Variants in GALNT18 observed in about 807,000 individuals in gnomAD.
GALNT18 encodes GalNAc-transferase 18.
A neutral mutation model predicts 69.5 loss-of-function variants in GALNT18; 44 were observed. That is an observed-to-expected ratio of 0.63 (90% CI 0.50 to 0.81). GALNT18 has a LOEUF of 0.81. Among genes scored for constraint, GALNT18 ranks in the 40% least tolerant of loss-of-function variants. The pLI is 0.00. For synonymous variants in GALNT18, 364 were observed against 318.2 expected (o/e 1.14, Z -1.53); for missense variants, 715 against 810.0 (o/e 0.88, Z 1.42).
At chr11:11,557,247 A>T (rs765120485) in intron 1 of GALNT18, among the ~76,000 whole-genome samples, 1 of 152,152 alleles carries the variant, frequency 6.6e-6, no homozygotes, top group African/African-American at 2.4e-5. Context: ...TTTATGTTAT[A>T]TTCATTTTTA....
intron 6 of GALNT18, among the ~76,000 whole-genome samples, chr11:11,343,983 G>A (rs765086551): frequency 4.6e-5 from 7 of 152,010 alleles, no homozygotes; most frequent in South Asian, 4.1e-4. Context: ...CTAGGCCGTC[G>A]TCATCATCTC....
chr11:11,458,397 T>A (rs577465044), intron 1 of GALNT18, among the ~76,000 whole-genome samples: 1 of 152,230 alleles, frequency 6.6e-6, no homozygotes, highest in Non-Finnish European at 1.5e-5. Flanking sequence ...AATTCAATGA[T>A]TTTTTTAAAA....
chr11:11,525,032 A>G (rs1415007625), intron 1 of GALNT18, among the ~76,000 whole-genome samples: 2 of 152,190 alleles, frequency 1.3e-5, no homozygotes, highest in Admixed American at 6.5e-5. Context: ...GGGTTATCAG[A>G]GAAGGTTGAA....
At chr11:11,449,681 A>G (rs1855748518) in intron 1 of GALNT18, among the ~76,000 whole-genome samples, 1 of 152,226 alleles carries the variant, frequency 6.6e-6, no homozygotes, top group African/African-American at 2.4e-5. Context: ...ACTAACTGTG[A>G]GAGCAGAGGC....
rs1856943703 is a variant in GALNT18 at position 11,500,063 on chromosome 11, G to C, written c.236-51127C>G. 6.6e-6 allele frequency among the ~76,000 whole-genome samples: 1 copy of C among 152,154 alleles called. No homozygotes were observed. The highest frequency in any genetic ancestry group is 2.4e-5 in the African/African-American group (1 of 41,420). On this transcript the variant is annotated intron_variant, in intron 1 of 10. Coordinates refer to ENST00000227756, the MANE Select transcript of GALNT18 (RefSeq NM_198516.3). This position sits in a 1 kb window ranked among gnomAD's most constrained non-coding sequence, Gnocchi z 5.0. ...GAAAGGGAGCAAAATCAAAAAGAGAGGCCAAGCATTGTTGAAACATGGCAT... is the reference window on the plus strand; with the variant it reads ...GAAAGGGAGCAAAATCAAAAAGAGACGCCAAGCATTGTTGAAACATGGCAT...
intron 3 of GALNT18, among the ~76,000 whole-genome samples, chr11:11,418,959 G>A (rs1854928538): frequency 6.6e-6 from 1 of 152,126 alleles, no homozygotes; most frequent in Non-Finnish European, 1.5e-5. Flanking sequence ...CCATTAGAGT[G>A]GGAGGGACCT....
Position 11,341,074 on chromosome 11 carries a change from C to G in GALNT18, c.1093-70G>C. 6.9e-7 allele frequency: 1 copy of G among 1,442,960 alleles called. No individual in the cohort carries two copies. Among genetic ancestry groups the G allele is most frequent in the Non-Finnish European group, 9.4e-7 (1 of 1,066,354 alleles). 89.4% of individuals were successfully genotyped at this position (1,442,960 alleles called of 1,614,324 possible). A position where few individuals can be genotyped will look rare whatever the true frequency, so the allele number is the denominator to read the frequency against. Reference sequence around the variant, plus strand: ...CCTTTCTACACCAGGCCTCAGGCAGCCACTTGACATGAGCAGGAAGAAAGT... The same window carrying G: ...CCTTTCTACACCAGGCCTCAGGCAGGCACTTGACATGAGCAGGAAGAAAGT... On this transcript the variant is annotated intron_variant, in intron 6 of 10. Coordinates refer to ENST00000227756, the MANE Select transcript of GALNT18 (RefSeq NM_198516.3). The surrounding 1 kb of genome is among the most constrained non-coding windows in gnomAD (Gnocchi z 6.3).
At chr11:11,525,361 T>C (rs912477798) in intron 1 of GALNT18, among the ~76,000 whole-genome samples, 2 of 152,024 alleles carry the variant, frequency 1.3e-5, no homozygotes, top group African/African-American at 4.8e-5. Flanking sequence ...GCTCAATGAA[T>C]AAGAAAGACT....
Position 11,338,457 on chromosome 11 carries a change from C to T in GALNT18, c.1278+2362G>A, listed in dbSNP as rs1438000609. Among the ~76,000 whole-genome samples, 1 of 152,008 alleles carries T rather than the reference C, an allele frequency of 6.6e-6. No individual in the cohort carries two copies. The highest frequency in any genetic ancestry group is 1.5e-5 in the Non-Finnish European group (1 of 68,012). On this transcript the variant is annotated intron_variant, in intron 7 of 10. Transcript: ENST00000227756. The surrounding 1 kb of genome is among the most constrained non-coding windows in gnomAD (Gnocchi z 5.3). ...GGGGAGGTCGGGGTGGGAAGGAGGG[C>T]TTGTGATTGACTGGGACAGGGCATT... is the stretch of plus-strand genomic sequence containing the variant.
chr11:11,607,099 T>C (rs1027802240), intron 1 of GALNT18, among the ~76,000 whole-genome samples: 2 of 152,232 alleles, frequency 1.3e-5, no homozygotes, highest in Non-Finnish European at 2.9e-5. Context: ...AAGTTTCCAC[T>C]ATTGACCAGA....
chr11:11,452,363 G>A (rs1336766195), intron 1 of GALNT18, among the ~76,000 whole-genome samples: 1 of 152,206 alleles, frequency 6.6e-6, no homozygotes, highest in African/African-American at 2.4e-5. Context: ...CATGTGTGAG[G>A]ATAAATGAGA....
rs113391769 is a variant in GALNT18 at position 11,459,067 on chromosome 11, C to A, written c.236-10131G>T. Among the ~76,000 whole-genome samples, 982 of 152,274 alleles carry A rather than the reference C, an allele frequency of 6.4e-3. 14 individuals carry two copies. Among genetic ancestry groups the A allele is most frequent in the African/African-American group, 0.023 (946 of 41,552 alleles). On this transcript the variant is annotated intron_variant, in intron 1 of 10. Transcript: ENST00000227756. The surrounding 1 kb of genome is among the most constrained non-coding windows in gnomAD (Gnocchi z 5.0). ...AGCAAAGCAAGATGTTATGCCTCTG[C>A]TTGTGATTAGGCTCCCAAAGGACAA...
At chr11:11,478,908 G>A (rs1856461148) in intron 1 of GALNT18, among the ~76,000 whole-genome samples, 1 of 151,658 alleles carries the variant, frequency 6.6e-6, no homozygotes, top group Admixed American at 6.6e-5. Context: ...TGTCTCTTGC[G>A]GCATCTCGGC....
chr11:11,280,102 T>C (rs1484927170), intron 10 of GALNT18, among the ~76,000 whole-genome samples: 1 of 151,988 alleles, frequency 6.6e-6, no homozygotes, highest in Non-Finnish European at 1.5e-5. Context: ...TTCACACAAA[T>C]AAAGCAAGAT....
chr11:11,433,905 G>A (rs149995154), intron 2 of GALNT18, among the ~76,000 whole-genome samples: 123 of 152,296 alleles, frequency 8.1e-4, no homozygotes, highest in African/African-American at 2.7e-3. Flanking sequence ...AGGCTCCAGG[G>A]CGTTAGGGCT....
At position 11,337,362 on chromosome 11, in the gene GALNT18, C is replaced by A. The variant is rs918729846; in HGVS notation, c.1278+3457G>T. ...AAAAATGAATAAAGCAGTCTGTCCTCAGAGAGCCCATGGTGTATTGTGGTG... is the reference window on the plus strand; with the variant it reads ...AAAAATGAATAAAGCAGTCTGTCCTAAGAGAGCCCATGGTGTATTGTGGTG... On this transcript the variant is annotated intron_variant, in intron 7 of 10. Transcript: ENST00000227756. The surrounding 1 kb of genome is among the most constrained non-coding windows in gnomAD (Gnocchi z 4.9). Among the ~76,000 whole-genome samples, 1 of 152,112 alleles carries A rather than the reference C, an allele frequency of 6.6e-6. No individual in the cohort carries two copies. Among genetic ancestry groups the A allele is most frequent in the African/African-American group, 2.4e-5 (1 of 41,434 alleles).
At chr11:11,365,390 C>T (rs538793662) in intron 6 of GALNT18, among the ~76,000 whole-genome samples, 51 of 152,288 alleles carry the variant, frequency 3.3e-4, no homozygotes, top group African/African-American at 1.2e-3. Context: ...TTTATCCAGG[C>T]TATCATTGAC....
At chr11:11,279,673 A>G (rs1849026816) in intron 10 of GALNT18, among the ~76,000 whole-genome samples, 1 of 152,224 alleles carries the variant, frequency 6.6e-6, no homozygotes, top group African/African-American at 2.4e-5. Flanking sequence ...CTATTTATAT[A>G]AACCTCCCAA....
Position 11,584,649 on chromosome 11 carries a change from A to G in GALNT18, c.235+36710T>C, listed in dbSNP as rs367580601. 3.8e-4 allele frequency among the ~76,000 whole-genome samples: 58 copies of G among 152,326 alleles called. 2 individuals are homozygous for G. Among genetic ancestry groups the G allele is most frequent in the Middle Eastern group, 3.4e-3 (1 of 294 alleles). On this transcript the variant is annotated intron_variant, in intron 1 of 10. Transcript: ENST00000227756. The surrounding 1 kb of genome is among the most constrained non-coding windows in gnomAD (Gnocchi z 4.1). ...ATGAGTCACAGTGTAAATTATTCCT[A>G]TTAGTCAGTGCTATCTTATAAGCAC...
Sources: allele counts gnomAD v4.1 joint callset (sites outside exome capture counted in the v4.1 genomes callset), GRCh38; gene constraint gnomAD v4.1.1; non-coding constraint Gnocchi (gnomAD v3.1); transcripts MANE v1.5; gene names NCBI Gene and HGNC (gene_info 2026-07-23, HGNC 2026-07-21).